Variants in NLGN4X observed in about 807,000 individuals in gnomAD.
NLGN4X encodes the protein neuroligin 4 X-linked, also known as neuroligin-4, X-linked.
A neutral mutation model predicts 40.3 loss-of-function variants in NLGN4X; 3 were observed. The observed-to-expected ratio is 0.07, with a 90% confidence interval of 0.03 to 0.19. The LOEUF is 0.19. Ranked by LOEUF, NLGN4X falls within the 10% of genes least tolerant of loss-of-function variation. The pLI is 1.00. For missense variants in NLGN4X, 382 were observed against 708.3 expected (o/e 0.54, Z 5.23); for synonymous variants, 270 against 306.8 (o/e 0.88, Z 1.25).
chrX:6,110,086 T>G (rs1288759146), intron 2 of NLGN4X, among the ~76,000 whole-genome samples: 4 of 111,750 alleles, frequency 3.6e-5, no homozygotes, highest in Non-Finnish European at 7.5e-5. Flanking sequence ...TTTCTCTCCT[T>G]TCTCTTCTGC....
chrX:6,100,159 C>T (rs1882410), intron 2 of NLGN4X, among the ~76,000 whole-genome samples: 2 of 111,573 alleles, frequency 1.8e-5, no homozygotes, highest in Non-Finnish European at 3.8e-5. Flanking sequence ...AGGCACAGAT[C>T]GCTCATGCTA....
chrX:5,924,375 A>AC (rs1354918206), intron 3 of NLGN4X, among the ~76,000 whole-genome samples: 12 of 111,409 alleles, frequency 1.1e-4, no homozygotes, highest in African/African-American at 3.9e-4. Flanking sequence ...AAAAAAAAAA[A>AC]ACCTCTCTAA....
chrX:6,083,212 C>G (rs2038413835), intron 2 of NLGN4X, among the ~76,000 whole-genome samples: 1 of 106,921 alleles, frequency 9.4e-6, no homozygotes, highest in African/African-American at 3.4e-5. Context: ...CCTGCCTCAG[C>G]CTCCCAAAGT....
chrX:5,937,528 C>T (rs766775520), intron 3 of NLGN4X, among the ~76,000 whole-genome samples: 1 of 111,850 alleles, frequency 8.9e-6, no homozygotes, highest in South Asian at 3.8e-4. Context: ...GTTTGGACTT[C>T]CAGAGCGACT....
chrX:6,183,391 C>CA (rs369165584), intron 1 of NLGN4X, among the ~76,000 whole-genome samples: 1 of 110,325 alleles, frequency 9.1e-6, no homozygotes, highest in Non-Finnish European at 1.9e-5. Flanking sequence ...ACTAAAAATA[C>CA]AAAAAATTAG....
At position 6,057,796 on chromosome X, in the gene NLGN4X, T is replaced by TA. The variant is rs755144650; in HGVS notation, c.473-28365dup. On this transcript the variant is annotated intron_variant, in intron 2 of 5. Coordinates refer to ENST00000381095, the MANE Select transcript of NLGN4X (RefSeq NM_181332.3). ...GGGAAGATGATCTAGAAATAGACCA[T>TA]AAAAAAGAAGCCCTTGCTCCCAAAT... Among the ~76,000 whole-genome samples, 13 of 111,523 alleles carry TA rather than the reference T, an allele frequency of 1.2e-4. No individual in the cohort carries two copies. The South Asian group carries it at 4.9e-3, about 42-fold the overall frequency.
At chrX:6,132,100 C>A (rs1257463447) in intron 2 of NLGN4X, among the ~76,000 whole-genome samples, 1 of 111,921 alleles carries the variant, frequency 8.9e-6, no homozygotes, top group Non-Finnish European at 1.9e-5. Context: ...AAGTTGAGAA[C>A]CACTGATATA....
chrX:6,048,244 C>G (rs563441195), intron 2 of NLGN4X, among the ~76,000 whole-genome samples: 17 of 111,847 alleles, frequency 1.5e-4, no homozygotes, highest in African/African-American at 5.5e-4. Flanking sequence ...CAAAACCTTT[C>G]CCAATCTCTC....
intron 2 of NLGN4X, among the ~76,000 whole-genome samples, chrX:6,146,562 A>T (rs191224816): frequency 9.0e-6 from 1 of 111,041 alleles, no homozygotes; most frequent in East Asian, 2.9e-4. Context: ...CTCAATCAAC[A>T]ATCATAGCAA....
chrX:6,197,899 A>G (rs1362603552), intron 1 of NLGN4X, among the ~76,000 whole-genome samples: 1 of 109,036 alleles, frequency 9.2e-6, no homozygotes, highest in Non-Finnish European at 1.9e-5. Flanking sequence ...CTCTGTCTCT[A>G]CAAAAAAATA....
chrX:6,187,526 C>G (rs1922168464), intron 1 of NLGN4X: 1 of 112,069 alleles, frequency 8.9e-6, no homozygotes, highest in South Asian at 3.7e-4. Flanking sequence ...GCGTGGAGCC[C>G]CACAGGGAGG....
At chrX:5,980,601 T>C (rs186672254) in intron 3 of NLGN4X, among the ~76,000 whole-genome samples, 15 of 110,595 alleles carry the variant, frequency 1.4e-4, no homozygotes, top group Non-Finnish European at 2.7e-4. Context: ...TTACTTTTTC[T>C]TTTCTTTTGT....
At chrX:5,938,694 G>A (rs984164484) in intron 3 of NLGN4X, among the ~76,000 whole-genome samples, 8 of 111,171 alleles carry the variant, frequency 7.2e-5, no homozygotes, top group African/African-American at 2.6e-4. Flanking sequence ...TTTAGGGTCA[G>A]TATTAGGTTT....
intron 2 of NLGN4X, among the ~76,000 whole-genome samples, chrX:6,031,855 T>C (rs751483633): frequency 9.1e-6 from 1 of 109,950 alleles, no homozygotes; most frequent in Non-Finnish European, 1.9e-5. Flanking sequence ...TCTGCATGAG[T>C]ACCTCAGACC....
intron 2 of NLGN4X, among the ~76,000 whole-genome samples, chrX:6,042,644 T>C (rs187797489): frequency 0.015 from 1,311 of 89,795 alleles, 9 homozygotes; most frequent in Non-Finnish European, 0.022. Context: ...AAGATGCTTG[T>C]TGAAATGTTG....
chrX:6,095,090 AGTACGTGCGTGCGTGTGTGT>A (rs2038731608), intron 2 of NLGN4X, among the ~76,000 whole-genome samples: 1 of 94,218 alleles, frequency 1.1e-5, no homozygotes, highest in African/African-American at 3.9e-5. Flanking sequence ...TAAGGCTTTA[AGTACGTGCGTGCGTGTGTGT>A]GTGTGTGTGT....
Position 5,978,411 on chromosome X carries a change from CCTTT to C in NLGN4X, c.625+50865_625+50868del, listed in dbSNP as rs1189240761. Among the ~76,000 whole-genome samples, 9 of 106,207 alleles carry C rather than the reference CCTTT, an allele frequency of 8.5e-5. No homozygotes were observed. In the Admixed American group the frequency reaches 9.4e-4, roughly 11 times the overall value. 92.2% of individuals were successfully genotyped at this position (106,207 alleles called of 115,157 possible). On this transcript the variant is annotated intron_variant, in intron 3 of 5. Transcript: ENST00000381095. ...TTCTATCTCTCTCTTCCTTTCCTTT[CCTTT>C]ATCAGCTCTTTAAAAATAATCTAAA...
chrX:5,920,673 T>C (rs2032994247), intron 3 of NLGN4X, among the ~76,000 whole-genome samples: 1 of 111,697 alleles, frequency 9.0e-6, no homozygotes, highest in Admixed American at 9.5e-5. Flanking sequence ...GAGTGCAGCA[T>C]CATCCAAAGA....
intron 2 of NLGN4X, among the ~76,000 whole-genome samples, chrX:6,108,443 T>C (rs1330134533): frequency 4.5e-5 from 5 of 111,453 alleles, no homozygotes; most frequent in Non-Finnish European, 1.9e-5. Context: ...GGTGGGCTGA[T>C]CACTTGAGCT....
Sources: allele counts gnomAD v4.1 joint callset (sites outside exome capture counted in the v4.1 genomes callset), GRCh38; gene constraint gnomAD v4.1.1; transcripts MANE v1.5; gene names NCBI Gene and HGNC (gene_info 2026-07-23, HGNC 2026-07-21).